The following SPMAP2L variants were observed in gnomAD, a reference collection of about 807,000 sequenced individuals.
SPMAP2L encodes sperm microtubule associated protein 2 like.
the SPMAP2L span, chr4:56,593,324 A>G: frequency 0.54 from 614,066 of 1,141,960 alleles, 167,347 homozygotes; most frequent in African/African-American, 0.73. Flanking sequence ...GTTGACCCCC[A>G]TTGCCACCCA....
the SPMAP2L span, among the ~76,000 whole-genome samples, chr4:56,563,310 G>A: frequency 2.0e-5 from 3 of 150,394 alleles, no homozygotes; most frequent in East Asian, 5.8e-4. Context: ...CACCATGATG[G>A]CCAGGCTGGT....
the SPMAP2L span, among the ~76,000 whole-genome samples, chr4:56,543,909 T>C: frequency 1.4e-5 from 2 of 142,812 alleles, no homozygotes; most frequent in African/African-American, 5.3e-5. Context: ...TGTGTGTGTG[T>C]GTGTGTGTGT....
the SPMAP2L span, among the ~76,000 whole-genome samples, chr4:56,601,793 G>C: frequency 8.6e-5 from 13 of 152,026 alleles, no homozygotes; most frequent in Non-Finnish European, 2.9e-5. Context: ...AGAAACTTAA[G>C]ATCTAGGAGA....
the SPMAP2L span, among the ~76,000 whole-genome samples, chr4:56,546,985 A>G: frequency 6.6e-6 from 1 of 152,152 alleles, no homozygotes; most frequent in Non-Finnish European, 1.5e-5. Flanking sequence ...CTCCCACTGG[A>G]GTGTAAACTT....
chr4:56,572,100 G>A, the SPMAP2L span, among the ~76,000 whole-genome samples: 139 of 152,138 alleles, frequency 9.1e-4, 1 homozygote, highest in Middle Eastern at 3.4e-3. Flanking sequence ...ACATAAACCC[G>A]TAACATGTAG....
chr4:56,540,658 A>G, the SPMAP2L span, among the ~76,000 whole-genome samples: 3 of 152,090 alleles, frequency 2.0e-5, no homozygotes, highest in African/African-American at 4.8e-5. Context: ...AAAAGAGAGA[A>G]AGAAAGAAAG....
the SPMAP2L span, among the ~76,000 whole-genome samples, chr4:56,590,752 G>T: frequency 6.6e-6 from 1 of 152,200 alleles, no homozygotes; most frequent in Non-Finnish European, 1.5e-5. Flanking sequence ...ATAAGTACAT[G>T]ATTATTTTAA....
At chr4:56,575,787 C>G in the SPMAP2L span, 1 of 778,950 alleles carries the variant, frequency 1.3e-6, no homozygotes, top group African/African-American at 1.7e-5. Context: ...CAAATATTTG[C>G]AGCTATTGTA....
At chr4:56,603,194 T>C in the SPMAP2L span, 1 of 1,498,744 alleles carries the variant, frequency 6.7e-7, no homozygotes, top group Non-Finnish European at 8.9e-7. Context: ...TTGATTTCTT[T>C]TTCCCCTATT....
At chr4:56,546,041 G>T in the SPMAP2L span, among the ~76,000 whole-genome samples, 2 of 152,104 alleles carry the variant, frequency 1.3e-5, no homozygotes, top group African/African-American at 4.8e-5. Flanking sequence ...TGATCTACCT[G>T]CCTTGGCCTC....
At chr4:56,551,723 A>G in the SPMAP2L span, among the ~76,000 whole-genome samples, 145,047 of 152,190 alleles carry the variant, frequency 0.95, 69,216 homozygotes, top group Middle Eastern at 0.97. Context: ...ATTAGTCTGC[A>G]TAGGATAGAC....
At chr4:56,618,116 C>T in the SPMAP2L span, among the ~76,000 whole-genome samples, 1 of 152,182 alleles carries the variant, frequency 6.6e-6, no homozygotes, top group Non-Finnish European at 1.5e-5. Context: ...TGCCTGTCCT[C>T]ACCTAGGTCC....
At chr4:56,571,528 G>C in the SPMAP2L span, among the ~76,000 whole-genome samples, 2 of 151,940 alleles carry the variant, frequency 1.3e-5, no homozygotes, top group Admixed American at 1.3e-4. Flanking sequence ...CGTTGCCCAG[G>C]CTGGTCTCAA....
chr4:56,584,573 G>A, the SPMAP2L span: 3 of 1,535,280 alleles, frequency 2.0e-6, no homozygotes, highest in African/African-American at 1.4e-5. Flanking sequence ...ACTCTCAGTA[G>A]CCAAAGGCAC....
the SPMAP2L span, among the ~76,000 whole-genome samples, chr4:56,590,643 A>C: frequency 2.6e-5 from 4 of 152,218 alleles, no homozygotes; most frequent in Non-Finnish European, 4.4e-5. Flanking sequence ...GGTTCTTTCT[A>C]AGTTGAAAAT....
chr4:56,593,677 G>A, the SPMAP2L span: 71 of 1,602,418 alleles, frequency 4.4e-5, no homozygotes, highest in Non-Finnish European at 5.9e-5. Context: ...GAGAAAGCTT[G>A]GTGAGAATGA....
chr4:56,609,866 T>C, the SPMAP2L span, among the ~76,000 whole-genome samples: 1 of 152,206 alleles, frequency 6.6e-6, no homozygotes, highest in Non-Finnish European at 1.5e-5. Flanking sequence ...GCTGTAGAAC[T>C]GTGAGAAATG....
At chr4:56,595,542 G>A in the SPMAP2L span, 6 of 1,465,604 alleles carry the variant, frequency 4.1e-6, no homozygotes, top group South Asian at 2.3e-5. Context: ...ACTGGGACCG[G>A]CCTTATATTC....
chr4:56,624,828 C>T, the SPMAP2L span, among the ~76,000 whole-genome samples: 2 of 152,204 alleles, frequency 1.3e-5, no homozygotes, highest in Non-Finnish European at 2.9e-5. Context: ...CATGGAGAAC[C>T]TCTTCTAGGG....
Sources: allele counts gnomAD v4.1 joint callset (sites outside exome capture counted in the v4.1 genomes callset), GRCh38; gene constraint gnomAD v4.1.1; transcripts MANE v1.5; gene names NCBI Gene and HGNC (gene_info 2026-07-23, HGNC 2026-07-21).